The following MRGPRE variants were observed in gnomAD, a reference collection of about 807,000 sequenced individuals.
MRGPRE encodes the protein MAS related GPR family member E.
For missense variants in MRGPRE, 466 were observed against 433.4 expected, an observed-to-expected ratio of 1.08 and a Z score of -0.67; for synonymous variants, 229 against 206.7, an observed-to-expected ratio of 1.11 and a Z score of -0.92.
rs911616901 is a variant in MRGPRE, at chr11:3,231,444, G to T, written c.-62+697C>A. On this transcript the variant is annotated intron_variant, in intron 1 of 1. Coordinates refer to ENST00000389832, the MANE Select transcript of MRGPRE (RefSeq NM_001039165.4). The surrounding 1 kb of genome is among the most constrained non-coding windows in gnomAD (Gnocchi z 4.7). ...TGTGGGACCATGTGCCCCACTGGGGGCTCGGGAGGGAGGCAGAGCTCTGTA... is the reference window on the plus strand; with the variant it reads ...TGTGGGACCATGTGCCCCACTGGGGTCTCGGGAGGGAGGCAGAGCTCTGTA... Among the ~76,000 whole-genome samples, 5 of 152,202 alleles carry T rather than the reference G, an allele frequency of 3.3e-5. No homozygotes were observed. The highest frequency in any genetic ancestry group is 3.4e-3 in the Middle Eastern group (1 of 294).
Position 3,228,298 on chromosome 11 carries a change from C to A in MRGPRE, c.502G>T (p.Glu168Ter). ...LSGACTQFFG[E>*]PSRHLCRTLW... ...GTCCGGCACAAGTGGCGGCTGGGCT[C>A]CCCGAAGAACTGGGTGCAGGCGCCG... Residue 168 changes from glutamate (E) to a stop codon, truncating the protein, a stop_gained, in exon 2 of 2, where the codon GAG (glutamate) becomes TAG (stop). Coordinates refer to ENST00000389832, the MANE Select transcript of MRGPRE (RefSeq NM_001039165.4). LOFTEE classifies it low-confidence loss of function (END_TRUNC). 6.4e-7 allele frequency: 1 copy of A among 1,554,202 alleles called. No individual in the cohort carries two copies. The highest frequency in any genetic ancestry group is 8.7e-7 in the Non-Finnish European group (1 of 1,151,860).
In MRGPRE at chr11:3,225,339, G is replaced by A. The variant is rs1339276393; in HGVS notation, c.*2522C>T. 1.3e-5 allele frequency among the ~76,000 whole-genome samples: 2 copies of A among 151,506 alleles called. No homozygotes were observed. Among genetic ancestry groups the A allele is most frequent in the Non-Finnish European group, 3.0e-5 (2 of 67,444 alleles). On this transcript the variant is annotated 3_prime_UTR_variant, in exon 2 of 2. Transcript: ENST00000389832. Reference sequence around the variant, plus strand: ...TCTTGGGAATTCTGTGCTGACCGCGGCAGCCCCGCAGGGGCCCGGGGTTGC... The same window carrying A: ...TCTTGGGAATTCTGTGCTGACCGCGACAGCCCCGCAGGGGCCCGGGGTTGC...
In MRGPRE at chr11:3,225,685, G is replaced by A. The variant is rs1847751421; in HGVS notation, c.*2176C>T. On this transcript the variant is annotated 3_prime_UTR_variant, in exon 2 of 2. Coordinates refer to ENST00000389832, the MANE Select transcript of MRGPRE (RefSeq NM_001039165.4). The stretch of plus-strand genomic sequence containing the variant: ...CCAAGCTGGCACATCTGGGGCCAAG[G>A]GGATACCCCACCAGCATCCTGGGCC... Among the ~76,000 whole-genome samples the A allele has an allele frequency of 6.6e-6, 1 of 152,204 alleles. No homozygotes were observed. Among genetic ancestry groups the A allele is most frequent in the South Asian group, 2.1e-4 (1 of 4,836 alleles).
In MRGPRE at chr11:3,229,674, C is replaced by G. The variant is rs1847808672; in HGVS notation, c.-61-814G>C. 6.6e-6 allele frequency among the ~76,000 whole-genome samples: 1 copy of G among 152,146 alleles called. No homozygotes were observed. The highest frequency in any genetic ancestry group is 2.4e-5 in the African/African-American group (1 of 41,418). On this transcript the variant is annotated intron_variant, in intron 1 of 1. Transcript: ENST00000389832. The surrounding 1 kb of genome is among the most constrained non-coding windows in gnomAD (Gnocchi z 4.4). ...ATGAGGGGTTGTTTGCCAGTGGGCT[C>G]CCAGTCCCCAGCCCTCCAGCTTGGT... is the stretch of plus-strand genomic sequence containing the variant.
At position 3,230,964 on chromosome 11, in the gene MRGPRE, T is replaced by C. The variant is rs1259997332; in HGVS notation, c.-62+1177A>G. 6.6e-6 allele frequency among the ~76,000 whole-genome samples: 1 copy of C among 151,806 alleles called. No individual in the cohort carries two copies. ...CAGATGCTCTCCTACTCAGGATAGC[T>C]TGGGGGGGTCACCAACCCTCAGGCC... On this transcript the variant is annotated intron_variant, in intron 1 of 1. Coordinates refer to ENST00000389832, the MANE Select transcript of MRGPRE (RefSeq NM_001039165.4). This position sits in a 1 kb window ranked among gnomAD's most constrained non-coding sequence, Gnocchi z 5.5.
In MRGPRE at chr11:3,228,174, C is replaced by T. The variant is rs753152025; in HGVS notation, c.626G>A (p.Arg209Gln). Reference protein sequence around the residue: ...LLLRVERGPQRPPPRGFPGLI... With the variant: ...LLLRVERGPQQPPPRGFPGLI... ...CCCAGGGAAGCCCCGGGGTGGGGGC[C>T]GCTGGGGGCCTCGCTCCACCCGCAG... Residue 209 changes from arginine (R) to glutamine (Q), a missense_variant, in exon 2 of 2, where the codon CGG (arginine) becomes CAG (glutamine). By Grantham distance (43) the Arg-to-Gln change is conservative. Transcript: ENST00000389832. 1.4e-5 allele frequency: 22 copies of T among 1,567,128 alleles called. No individual in the cohort carries two copies. Among genetic ancestry groups the T allele is most frequent in the Middle Eastern group, 1.7e-4 (1 of 5,920 alleles).
rs1847809545 is a variant in MRGPRE at position 3,229,753 on chromosome 11, G to A, written c.-61-893C>T. ...GGAAAACTCCCTTTCCCCTGGCCAT[G>A]TCCCTGCTGTCCTACAGCAGGACTC... On this transcript the variant is annotated intron_variant, in intron 1 of 1. Coordinates refer to ENST00000389832, the MANE Select transcript of MRGPRE (RefSeq NM_001039165.4). This position sits in a 1 kb window ranked among gnomAD's most constrained non-coding sequence, Gnocchi z 4.4. 6.6e-6 allele frequency among the ~76,000 whole-genome samples: 1 copy of A among 152,224 alleles called. No homozygotes were observed. Among genetic ancestry groups the A allele is most frequent in the Non-Finnish European group, 1.5e-5 (1 of 68,042 alleles).
In MRGPRE at chr11:3,229,296, G is replaced by T. The variant is rs894716001; in HGVS notation, c.-61-436C>A. Among the ~76,000 whole-genome samples the T allele has an allele frequency of 1.4e-5, 2 of 145,366 alleles. No individual in the cohort carries two copies. Among genetic ancestry groups the T allele is most frequent in the Non-Finnish European group, 3.0e-5 (2 of 67,524 alleles). ...GCTAGAGTGCAATGGCACCATCTCG[G>T]CTCACTGCAACCTCTGCCTCCCGGG... is the stretch of plus-strand genomic sequence containing the variant. On this transcript the variant is annotated intron_variant, in intron 1 of 1. Transcript: ENST00000389832. The surrounding 1 kb of genome is among the most constrained non-coding windows in gnomAD (Gnocchi z 4.4).
chr11:3,227,031 C>T lies in MRGPRE; in HGVS notation c.*830G>A, dbSNP rs1480663900. 6.6e-6 allele frequency among the ~76,000 whole-genome samples: 1 copy of T among 152,210 alleles called. No individual in the cohort carries two copies. Among genetic ancestry groups the T allele is most frequent in the Non-Finnish European group, 1.5e-5 (1 of 68,036 alleles). ...AGGGGTGAAGCCTGGGTTCCTTCCTCAGAGGGATCCTCTGGAGCGGGACTT... is the reference window on the plus strand; with the variant it reads ...AGGGGTGAAGCCTGGGTTCCTTCCTTAGAGGGATCCTCTGGAGCGGGACTT... On this transcript the variant is annotated 3_prime_UTR_variant, in exon 2 of 2. Coordinates refer to ENST00000389832, the MANE Select transcript of MRGPRE (RefSeq NM_001039165.4).
At position 3,225,755 on chromosome 11, in the gene MRGPRE, C is replaced by T. The variant is rs186265871; in HGVS notation, c.*2106G>A. On this transcript the variant is annotated 3_prime_UTR_variant, in exon 2 of 2. Coordinates refer to ENST00000389832, the MANE Select transcript of MRGPRE (RefSeq NM_001039165.4). Reference sequence around the variant, plus strand: ...GCCACAGCAGCTACTAGAGTGGGGACGAGCTGGGCCCAGTTTCCATGGAGA... The same window carrying T: ...GCCACAGCAGCTACTAGAGTGGGGATGAGCTGGGCCCAGTTTCCATGGAGA... Among the ~76,000 whole-genome samples the T allele has an allele frequency of 1.8e-3, 281 of 152,298 alleles. No homozygotes were observed. The highest frequency in any genetic ancestry group is 3.4e-3 in the African/African-American group (142 of 41,560).
In MRGPRE at chr11:3,228,569, C is replaced by A. The variant is rs867930119; in HGVS notation, c.231G>T (p.Met77Ile). 6.2e-7 allele frequency: 1 copy of A among 1,613,566 alleles called. No individual in the cohort carries two copies. The highest frequency in any genetic ancestry group is 8.5e-7 in the Non-Finnish European group (1 of 1,179,626). Residue 77 changes from methionine to isoleucine, a missense_variant, in exon 2 of 2, where the codon ATG becomes ATT. Transcript: ENST00000389832. ...CADLIFLGCHMVAIVPDLLQG... is the reference protein window; with the variant it reads ...CADLIFLGCHIVAIVPDLLQG... The stretch of plus-strand genomic sequence containing the variant: ...GCAGCAAGTCGGGGACGATGGCCAC[C>A]ATGTGGCAGCCAAGGAAGATGAGAT...
In MRGPRE at chr11:3,230,744, T is replaced by A. The variant is rs1382125107; in HGVS notation, c.-62+1397A>T. ...CTCCTGCGGGTGGAGTCAAGCCTGG[T>A]TGGAGATATAGGGCTCTTCCTCCTG... On this transcript the variant is annotated intron_variant, in intron 1 of 1. Coordinates refer to ENST00000389832, the MANE Select transcript of MRGPRE (RefSeq NM_001039165.4). This position sits in a 1 kb window ranked among gnomAD's most constrained non-coding sequence, Gnocchi z 5.5. Among the ~76,000 whole-genome samples the A allele has an allele frequency of 6.6e-6, 1 of 152,106 alleles. No homozygotes were observed.
In MRGPRE at chr11:3,230,437, C is replaced by T. The variant is rs1035442425; in HGVS notation, c.-61-1577G>A. 3.9e-5 allele frequency among the ~76,000 whole-genome samples: 6 copies of T among 152,126 alleles called. No homozygotes were observed. Among genetic ancestry groups the T allele is most frequent in the African/African-American group, 1.4e-4 (6 of 41,420 alleles). ...GTCTCCCTCCAGTGATAGGAGCACC[C>T]GAGACCATGCAGGGGGACGCTGCGG... is the stretch of plus-strand genomic sequence containing the variant. On this transcript the variant is annotated intron_variant, in intron 1 of 1. Transcript: ENST00000389832. The surrounding 1 kb of genome is among the most constrained non-coding windows in gnomAD (Gnocchi z 5.5).
Position 3,227,840 on chromosome 11 carries a change from TG to T in MRGPRE, c.*20del, listed in dbSNP as rs1847779497. The T allele has an allele frequency of 1.4e-6, 2 of 1,431,364 alleles. No individual in the cohort carries two copies. 88.7% of individuals were successfully genotyped at this position (1,431,364 alleles called of 1,614,324 possible). A position where few individuals can be genotyped will look rare whatever the true frequency, so the allele number is the denominator to read the frequency against. On this transcript the variant is annotated 3_prime_UTR_variant, in exon 2 of 2. Coordinates refer to ENST00000389832, the MANE Select transcript of MRGPRE (RefSeq NM_001039165.4). Reference sequence around the variant, plus strand: ...CCTCTTGCCTCACGGGGGCTGCAGCTGGGGTCGGGGGCCCCAGGGCTCAGGC... The same window carrying T: ...CCTCTTGCCTCACGGGGGCTGCAGCTGGGTCGGGGGCCCCAGGGCTCAGGC...
In MRGPRE at chr11:3,228,833, G is replaced by A. The variant is rs1227143761; in HGVS notation, c.-34C>T. ...GGGCCAGGGGATGCTGCAGGAGTGT[G>A]TTCTGCTCGCTCTCTCTCCTGATGC... is the stretch of plus-strand genomic sequence containing the variant. On this transcript the variant is annotated 5_prime_UTR_variant, in exon 2 of 2. Transcript: ENST00000389832. The A allele has an allele frequency of 2.0e-6, 3 of 1,523,116 alleles. No homozygotes were observed. The African/African-American group carries it at 4.1e-5, about 21-fold the overall frequency. 94.4% of individuals were successfully genotyped at this position (1,523,116 alleles called of 1,614,324 possible).
At position 3,229,415 on chromosome 11, in the gene MRGPRE, C is replaced by A. The variant is rs1270682009; in HGVS notation, c.-61-555G>T. Reference sequence around the variant, plus strand: ...TAATTTATTGCATTTTTAGTAGAGACAGGGTTTCACCATATTGGCCAGGCT... The same window carrying A: ...TAATTTATTGCATTTTTAGTAGAGAAAGGGTTTCACCATATTGGCCAGGCT... On this transcript the variant is annotated intron_variant, in intron 1 of 1. Transcript: ENST00000389832. The surrounding 1 kb of genome is among the most constrained non-coding windows in gnomAD (Gnocchi z 4.4). Among the ~76,000 whole-genome samples, 1 of 152,082 alleles carries A rather than the reference C, an allele frequency of 6.6e-6. No individual in the cohort carries two copies. The highest frequency in any genetic ancestry group is 6.6e-5 in the Admixed American group (1 of 15,266).
chr11:3,226,031 G>C lies in MRGPRE; in HGVS notation c.*1830C>G, dbSNP rs12575173. The C allele has an allele frequency of 0.34, 51,518 of 152,350 alleles. 9,095 individuals carry two copies. Among genetic ancestry groups the C allele is most frequent in the South Asian group, 0.43 (2,057 of 4,834 alleles). 9.4% of individuals were successfully genotyped at this position (152,350 alleles called of 1,614,324 possible). ...GGTCCAGTGAGGCGGAGCGTGTGGCGTGGGAGGGTGGTGCTGGGAGTCACC... is the reference window on the plus strand; with the variant it reads ...GGTCCAGTGAGGCGGAGCGTGTGGCCTGGGAGGGTGGTGCTGGGAGTCACC... On this transcript the variant is annotated 3_prime_UTR_variant, in exon 2 of 2. Coordinates refer to ENST00000389832, the MANE Select transcript of MRGPRE (RefSeq NM_001039165.4).
chr11:3,227,824 TCACGGGGG>T lies in MRGPRE; in HGVS notation c.*29_*36del. On this transcript the variant is annotated 3_prime_UTR_variant, in exon 2 of 2. Coordinates refer to ENST00000389832, the MANE Select transcript of MRGPRE (RefSeq NM_001039165.4). The stretch of plus-strand genomic sequence containing the variant: ...ACCTTCCCCAAGTCACCCTCTTGCC[TCACGGGGG>T]CTGCAGCTGGGGTCGGGGGCCCCAG... 1 of 1,417,186 alleles carries T rather than the reference TCACGGGGG, an allele frequency of 7.1e-7. No individual in the cohort carries two copies. The highest frequency in any genetic ancestry group is 9.2e-7 in the Non-Finnish European group (1 of 1,082,986). The allele number at this position is 1,417,186 out of a possible 1,614,324, so 87.8% of individuals were successfully genotyped here.
Position 3,228,505 on chromosome 11 carries a change from G to A in MRGPRE, c.295C>T (p.Leu99=), listed in dbSNP as rs1847791676. 6.2e-7 allele frequency: 1 copy of A among 1,613,806 alleles called. No individual in the cohort carries two copies. The highest frequency in any genetic ancestry group is 8.5e-7 in the Non-Finnish European group (1 of 1,180,004). ...LDFPGFVQTS[L]ATLRFFCYIV... ...TAGCAGAAGAAGCGCAGCGTTGCCA[G>A]GCTGGTCTGCACGAAGCCCGGGAAG... Residue 99 remains leucine (L), a synonymous_variant, in exon 2 of 2, where the codon CTG becomes TTG. Transcript: ENST00000389832.
Sources: allele counts gnomAD v4.1 joint callset (sites outside exome capture counted in the v4.1 genomes callset), GRCh38; gene constraint gnomAD v4.1.1; non-coding constraint Gnocchi (gnomAD v3.1); transcripts MANE v1.5; gene names NCBI Gene and HGNC (gene_info 2026-07-23, HGNC 2026-07-21).